SEPTIN11: variants seen among roughly 807,000 people sequenced by gnomAD.
SEPTIN11 encodes the protein septin 11.
In SEPTIN11, 25 loss-of-function variants were observed where a neutral mutation model predicts 51.4. The observed-to-expected ratio is 0.49, with a 90% confidence interval of 0.35 to 0.68. SEPTIN11 has a LOEUF of 0.68. SEPTIN11 is among the 30% of genes least tolerant of loss of function. The pLI is 0.00. For missense variants in SEPTIN11, 381 were observed against 520.8 expected (o/e 0.73, Z 2.61); for synonymous variants, 174 against 184.1 (o/e 0.95, Z 0.44).
At chr4:76,996,135 C>G (rs115253857) in intron 1 of SEPTIN11, among the ~76,000 whole-genome samples, 1 of 152,258 alleles carries the variant, frequency 6.6e-6, no homozygotes, top group East Asian at 1.9e-4. Context: ...TAATGCATAT[C>G]TGAAATAGTC....
intron 7 of SEPTIN11, among the ~76,000 whole-genome samples, chr4:77,025,055 T>A (rs1375918419): frequency 6.6e-6 from 1 of 152,148 alleles, no homozygotes; most frequent in Non-Finnish European, 1.5e-5. Context: ...GTGTTCGTTC[T>A]CTCTTCCTTT....
chr4:77,030,861 G>T lies in SEPTIN11; in HGVS notation c.1165G>T (p.Glu389Ter). The T allele has an allele frequency of 6.2e-7, 1 of 1,613,860 alleles. No individual in the cohort carries two copies. Among genetic ancestry groups the T allele is most frequent in the Non-Finnish European group, 8.5e-7 (1 of 1,179,950 alleles). Residue 389 changes from glutamate to a stop codon, truncating the protein, a stop_gained, in exon 9 of 10, where the codon GAG (glutamate) becomes TAG (stop). Transcript: ENST00000264893. LOFTEE classifies it high-confidence loss of function. ...AGTGGAAGACAAGAAGAAGGAGCTT[G>T]AGGAGGAGGTGAACAACTTCCAGAA... Reference protein sequence around the residue: ...KKVEDKKKELEEEVNNFQKKK... With the variant: ...KKVEDKKKEL
intron 5 of SEPTIN11, among the ~76,000 whole-genome samples, chr4:77,018,121 C>T (rs1202999928): frequency 6.6e-6 from 1 of 152,148 alleles, no homozygotes; most frequent in Non-Finnish European, 1.5e-5. Flanking sequence ...AATATAATTT[C>T]AACATGTATT....
At chr4:76,990,069 G>GGGTGAC (rs1344972647) in intron 1 of SEPTIN11, among the ~76,000 whole-genome samples, 54 of 152,272 alleles carry the variant, frequency 3.5e-4, no homozygotes, top group African/African-American at 1.0e-3. Flanking sequence ...GGTTGCCGCT[G>GGGTGAC]CTGGCTTGGG....
chr4:76,961,245 A>T (rs150344423), intron 1 of SEPTIN11, among the ~76,000 whole-genome samples: 12 of 151,806 alleles, frequency 7.9e-5, no homozygotes, highest in African/African-American at 2.7e-4. Context: ...TTGAAAGGTA[A>T]CCTCCAGCTT....
chr4:77,030,524 G>T (rs969462186), intron 8 of SEPTIN11, among the ~76,000 whole-genome samples: 1 of 152,200 alleles, frequency 6.6e-6, no homozygotes, highest in Admixed American at 6.5e-5. Context: ...AGCCTCTTGA[G>T]TAGCAGGGAT....
In SEPTIN11 at chr4:77,035,015, A is replaced by G. The variant is rs140847209; in HGVS notation, c.*503A>G. 4.9e-4 allele frequency: 486 copies of G among 985,916 alleles called. 1 individual carries two copies. The African/African-American group carries it at 8.1e-3, about 16-fold the overall frequency. The allele number at this position is 985,916 out of a possible 1,614,324, so 61.1% of individuals were successfully genotyped here. On this transcript the variant is annotated 3_prime_UTR_variant, in exon 10 of 10. Transcript: ENST00000264893. ...AGCCAAGGTAGATTTGTACGTAGAC[A>G]GACTGGTGAGCAAGCATTATATTTT...
At chr4:77,020,165 C>T (rs1454778963) in intron 6 of SEPTIN11, among the ~76,000 whole-genome samples, 1 of 152,158 alleles carries the variant, frequency 6.6e-6, no homozygotes, top group Admixed American at 6.5e-5. Context: ...TCAGCTTGCT[C>T]ACCAAGCTCC....
chr4:76,985,601 T>G (rs924913530), intron 1 of SEPTIN11, among the ~76,000 whole-genome samples: 41 of 152,216 alleles, frequency 2.7e-4, no homozygotes, highest in African/African-American at 9.2e-4. Flanking sequence ...CGAGAACGAA[T>G]GCAGCATGGT....
chr4:77,018,285 C>T (rs1725444456), intron 5 of SEPTIN11, among the ~76,000 whole-genome samples: 1 of 151,988 alleles, frequency 6.6e-6, no homozygotes, highest in Non-Finnish European at 1.5e-5. Context: ...CCCGTTTCTA[C>T]TAAAAATACA....
chr4:76,949,820 A>G lies in SEPTIN11; in HGVS notation c.-84A>G. The G allele has an allele frequency of 7.0e-7, 1 of 1,424,200 alleles. No individual in the cohort carries two copies. The highest frequency in any genetic ancestry group is 1.3e-5 in the South Asian group (1 of 79,290). 88.2% of individuals were successfully genotyped at this position (1,424,200 alleles called of 1,614,324 possible). A position where few individuals can be genotyped will look rare whatever the true frequency, so the allele number is the denominator to read the frequency against. ...CGCAGCCGCGAGGGAGGCGCGAGGG[A>G]GGCGAGCCGGAGCCCGAGCACTAGC... On this transcript the variant is annotated 5_prime_UTR_variant, in exon 1 of 10. Coordinates refer to ENST00000264893, the MANE Select transcript of SEPTIN11 (RefSeq NM_018243.4).
intron 9 of SEPTIN11, among the ~76,000 whole-genome samples, chr4:77,032,651 G>C (rs1418789765): frequency 2.0e-5 from 3 of 152,180 alleles, no homozygotes; most frequent in Non-Finnish European, 4.4e-5. Flanking sequence ...CTTAGGAAAT[G>C]CAAAGTCAAG....
intron 1 of SEPTIN11, among the ~76,000 whole-genome samples, chr4:76,962,872 C>A (rs996191714): frequency 6.6e-6 from 1 of 152,130 alleles, no homozygotes; most frequent in African/African-American, 2.4e-5. Context: ...TAATGGATAA[C>A]TTAAAGATGT....
intron 1 of SEPTIN11, among the ~76,000 whole-genome samples, chr4:76,950,803 G>A (rs1268198361): frequency 6.6e-6 from 1 of 152,046 alleles, no homozygotes; most frequent in Non-Finnish European, 1.5e-5. Flanking sequence ...TGGCCGCTCC[G>A]CATCCCCAAG....
chr4:77,038,426 C>CT lies in SEPTIN11; in HGVS notation c.*3920dup. 2 of 985,542 alleles carry CT rather than the reference C, an allele frequency of 2.0e-6. No individual in the cohort carries two copies. Among genetic ancestry groups the CT allele is most frequent in the Non-Finnish European group, 1.2e-6 (1 of 829,724 alleles). The allele number at this position is 985,542 out of a possible 1,614,324, so 61.0% of individuals were successfully genotyped here. On this transcript the variant is annotated 3_prime_UTR_variant, in exon 10 of 10. Coordinates refer to ENST00000264893, the MANE Select transcript of SEPTIN11 (RefSeq NM_018243.4). The stretch of plus-strand genomic sequence containing the variant: ...TGTAAGCTGCATGTTAGACATTTGT[C>CT]TTTTTTAAACTAAAGTAATTGTATT...
intron 1 of SEPTIN11, among the ~76,000 whole-genome samples, chr4:76,976,865 T>C (rs951711536): frequency 6.6e-5 from 10 of 152,338 alleles, no homozygotes; most frequent in Non-Finnish European, 1.5e-4. Context: ...CAGATGATGA[T>C]ACTGAAAACC....
intron 1 of SEPTIN11, among the ~76,000 whole-genome samples, chr4:76,961,717 G>T (rs1354870457): frequency 6.6e-6 from 1 of 152,158 alleles, no homozygotes; most frequent in Non-Finnish European, 1.5e-5. Context: ...AAAATAGAAT[G>T]GTTGTATAGG....
At chr4:77,039,160 C>T (rs1475588730), downstream of SEPTIN11, 20 of 1,279,190 alleles carry the variant, frequency 1.6e-5, no homozygotes, top group Non-Finnish European at 2.0e-5. Flanking sequence ...TGTCTGTTCA[C>T]ACGTGTTGGG....
intron 1 of SEPTIN11, among the ~76,000 whole-genome samples, chr4:76,978,505 A>T (rs1722608993): frequency 6.6e-6 from 1 of 152,056 alleles, no homozygotes; most frequent in African/African-American, 2.4e-5. Context: ...AGGCTCTACT[A>T]ATGTAGTGGC....
Sources: gnomAD v4.1 joint callset for allele counts (sites outside exome capture counted in the v4.1 genomes callset) on GRCh38, gnomAD v4.1.1 for gene constraint, MANE v1.5 for transcripts, NCBI Gene and HGNC (gene_info 2026-07-23, HGNC 2026-07-21) for gene names.